Variants in GDI2 observed in about 807,000 individuals in gnomAD.
GDI2 encodes rab GDP dissociation inhibitor beta.
Under a neutral mutation model 54.2 loss-of-function variants are expected in GDI2, and 22 were observed. The ratio of observed to expected loss-of-function variants is 0.41; its 90% confidence interval spans 0.29 to 0.58. The LOEUF (loss-of-function observed/expected upper bound fraction) is 0.58, where lower values mean the gene tolerates loss of function less well. Ranked by LOEUF, GDI2 falls within the 20% of genes least tolerant of loss-of-function variation. GDI2 has a pLI of 0.35. For missense variants in GDI2, 422 were observed against 546.0 expected (o/e 0.77, Z 2.26); for synonymous variants, 177 against 182.1 (o/e 0.97, Z 0.23).
At position 5,774,718 on chromosome 10, in the gene GDI2, G is replaced by A. The variant is rs2131685974; in HGVS notation, c.720-777C>T. ...TGGTGAGGCTAAAGCCTAAAGCCAT[G>A]CGATGTCTGGGTTTTACTCTGCTTC... On this transcript the variant is annotated intron_variant, in intron 6 of 10. Transcript: ENST00000380191. This position sits in a 1 kb window ranked among gnomAD's most constrained non-coding sequence, Gnocchi z 4.8. Among the ~76,000 whole-genome samples the A allele has an allele frequency of 6.6e-6, 1 of 152,276 alleles. No individual in the cohort carries two copies. The highest frequency in any genetic ancestry group is 2.4e-5 in the African/African-American group (1 of 41,544).
chr10:5,791,254 C>T (rs1841005579), intron 4 of GDI2, among the ~76,000 whole-genome samples: 1 of 152,126 alleles, frequency 6.6e-6, no homozygotes, highest in South Asian at 2.1e-4. Context: ...GTGATCATGC[C>T]ACTGCACTCC....
chr10:5,800,135 G>A (rs1391829329), intron 2 of GDI2, among the ~76,000 whole-genome samples: 1 of 152,254 alleles, frequency 6.6e-6, no homozygotes, highest in South Asian at 2.1e-4. Flanking sequence ...AAAACACACT[G>A]TGGAAATGCT....
chr10:5,787,301 T>TC, intron 4 of GDI2, among the ~76,000 whole-genome samples: 1 of 152,294 alleles, frequency 6.6e-6, no homozygotes, highest in Admixed American at 6.5e-5. Flanking sequence ...GGTCAGGAGT[T>TC]CAAGACCAGC....
At chr10:5,785,030 C>T (rs1840842434) in intron 6 of GDI2, 112 bp downstream of exon 6, 2 of 618,630 alleles carry the variant, frequency 3.2e-6, no homozygotes, top group Admixed American at 3.1e-5. Flanking sequence ...AAATAAAAAG[C>T]ATCTTATTAC....
intron 6 of GDI2, among the ~76,000 whole-genome samples, chr10:5,784,854 T>C (rs1840837834): frequency 6.6e-6 from 1 of 152,220 alleles, no homozygotes; most frequent in Non-Finnish European, 1.5e-5. Flanking sequence ...GTAGATTCTG[T>C]GAAGGTCCTT....
intron 7 of GDI2, among the ~76,000 whole-genome samples, chr10:5,773,053 A>G (rs1196155934): frequency 6.6e-6 from 1 of 151,964 alleles, no homozygotes; most frequent in African/African-American, 2.4e-5. Flanking sequence ...TTTTTGCCCC[A>G]AGTCAGTCCT....
intron 1 of GDI2, among the ~76,000 whole-genome samples, chr10:5,805,463 C>T (rs1260181718): frequency 6.6e-6 from 1 of 151,944 alleles, no homozygotes; most frequent in Non-Finnish European, 1.5e-5. Context: ...CTCACTGCAG[C>T]CTCAACCTCC....
At chr10:5,772,643 G>C (rs1840516247) in intron 7 of GDI2, among the ~76,000 whole-genome samples, 1 of 152,216 alleles carries the variant, frequency 6.6e-6, no homozygotes, top group African/African-American at 2.4e-5. Context: ...TGTAATTCCA[G>C]CTACTCGGGA....
chr10:5,798,541 AT>A, intron 2 of GDI2, among the ~76,000 whole-genome samples: 1 of 151,746 alleles, frequency 6.6e-6, no homozygotes, highest in Admixed American at 6.6e-5. Context: ...CTGAGCTAAG[AT>A]CGTGCCACTG....
chr10:5,796,688 C>A (rs1309191769), intron 3 of GDI2, 75 bp downstream of exon 3: 4 of 794,170 alleles, frequency 5.0e-6, no homozygotes, highest in Non-Finnish European at 6.8e-6. Context: ...CAGAATAGTA[C>A]TCTGTCAAAA....
intron 1 of GDI2, among the ~76,000 whole-genome samples, chr10:5,810,494 G>A (rs1350733835): frequency 2.0e-5 from 3 of 152,146 alleles, no homozygotes; most frequent in Non-Finnish European, 1.5e-5. Flanking sequence ...GTAAGATAGA[G>A]GGAAAAAATA....
chr10:5,776,920 CA>C lies in GDI2; in HGVS notation c.720-2980del, dbSNP rs902064803. On this transcript the variant is annotated intron_variant, in intron 6 of 10. Transcript: ENST00000380191. The surrounding 1 kb of genome is among the most constrained non-coding windows in gnomAD (Gnocchi z 5.3). ...AATAATGCGAAAACAGTTAATCCAG[CA>C]AAAAAATTAAAAGGGAAAACCACAT... The C allele has an allele frequency of 2.0e-5, 14 of 691,264 alleles. No individual in the cohort carries two copies. The highest frequency in any genetic ancestry group is 1.9e-4 in the Admixed American group (6 of 32,384). 42.8% of individuals were successfully genotyped at this position (691,264 alleles called of 1,614,324 possible).
intron 1 of GDI2, among the ~76,000 whole-genome samples, chr10:5,801,918 G>C (rs1248749868): frequency 2.6e-5 from 4 of 151,952 alleles, no homozygotes; most frequent in Non-Finnish European, 5.9e-5. Context: ...GGCTGAGGCA[G>C]AACTGCTTGA....
At chr10:5,781,469 CA>C (rs1840753464) in intron 6 of GDI2, among the ~76,000 whole-genome samples, 1 of 151,188 alleles carries the variant, frequency 6.6e-6, no homozygotes, top group Non-Finnish European at 1.5e-5. Flanking sequence ...ACTAAAAATA[CA>C]AAAAATTAGC....
At chr10:5,767,702 C>T (rs1840388931) in intron 8 of GDI2, among the ~76,000 whole-genome samples, 1 of 152,080 alleles carries the variant, frequency 6.6e-6, no homozygotes, top group Admixed American at 6.6e-5. Flanking sequence ...AGATTTGGGG[C>T]TTCTAGTTGA....
rs1374460143 is a variant in GDI2 at position 5,768,091 on chromosome 10, C to G, written c.991+122G>C. On this transcript the variant is annotated intron_variant, in intron 8 of 10. Transcript: ENST00000380191. This position sits in a 1 kb window ranked among gnomAD's most constrained non-coding sequence, Gnocchi z 4.4. ...GGAGGAGGTACAAAGATTTTTTTCC[C>G]CCATATGTAAACCAAGGTCTGTTCA... is the stretch of plus-strand genomic sequence containing the variant. 1.3e-6 allele frequency: 1 copy of G among 760,680 alleles called. No individual in the cohort carries two copies. Among genetic ancestry groups the G allele is most frequent in the East Asian group, 2.5e-5 (1 of 39,468 alleles). The allele number at this position is 760,680 out of a possible 1,614,324, so 47.1% of individuals were successfully genotyped here.
intron 6 of GDI2, among the ~76,000 whole-genome samples, chr10:5,775,237 G>A (rs1332791604): frequency 6.6e-6 from 1 of 152,134 alleles, no homozygotes; most frequent in African/African-American, 2.4e-5. Context: ...GCAGTAAGTC[G>A]TGATCACACC....
intron 1 of GDI2, among the ~76,000 whole-genome samples, chr10:5,811,657 TAA>T (rs34264151): frequency 0.026 from 3,524 of 135,136 alleles, 69 homozygotes; most frequent in African/African-American, 0.059. Flanking sequence ...ATTAGGCACT[TAA>T]AAAAAAAAAA....
At chr10:5,770,869 G>C (rs577417188) in intron 7 of GDI2, among the ~76,000 whole-genome samples, 1 of 149,324 alleles carries the variant, frequency 6.7e-6, no homozygotes. Context: ...AGGAGGTTGA[G>C]GCAGGAGAAT....
Sources: allele counts gnomAD v4.1 joint callset (sites outside exome capture counted in the v4.1 genomes callset), GRCh38; gene constraint gnomAD v4.1.1; non-coding constraint Gnocchi (gnomAD v3.1); transcripts MANE v1.5; gene names NCBI Gene and HGNC (gene_info 2026-07-23, HGNC 2026-07-21).